The following HELZ variants were observed in gnomAD, a reference collection of about 807,000 sequenced individuals.
HELZ encodes helicase with zinc finger.
In HELZ, 23 loss-of-function variants were observed where a neutral mutation model predicts 218.2. The observed-to-expected ratio is 0.11, with a 90% CI of 0.08 to 0.15. HELZ has a LOEUF of 0.15. Ranked by LOEUF, HELZ falls within the 10% of genes least tolerant of loss-of-function variation. The probability of loss-of-function intolerance (pLI) is 1.00; values close to 1 mark genes in which losing one functional copy is unlikely to be tolerated. For synonymous variants in HELZ, 814 were observed against 829.4 expected (o/e 0.98, Z 0.32); for missense variants, 1,813 against 2,353.7 (o/e 0.77, Z 4.75).
chr17:67,143,542 G>C (rs1351018337), intron 21 of HELZ, among the ~76,000 whole-genome samples: 1 of 151,962 alleles, frequency 6.6e-6, no homozygotes. Flanking sequence ...CCTGACCCCA[G>C]GAGGTCAAGG....
intron 5 of HELZ, among the ~76,000 whole-genome samples, chr17:67,212,627 C>A (rs746407869): frequency 1.3e-5 from 2 of 152,066 alleles, no homozygotes; most frequent in Non-Finnish European, 2.9e-5. Flanking sequence ...TTCAAATAAA[C>A]AACTCTGGAT....
At chr17:67,245,237 C>CACGGCCCCCGACTCCCG, upstream of HELZ, 1 of 984,412 alleles carries the variant, frequency 1.0e-6, no homozygotes, top group Non-Finnish European at 1.2e-6. Flanking sequence ...AGTGACTCCC[C>CACGGCCCCCGACTCCCG]CCGGCCCCCG....
upstream of HELZ, chr17:67,245,640 C>T: frequency 8.1e-6 from 4 of 492,816 alleles, no homozygotes; most frequent in Non-Finnish European, 1.1e-5. Context: ...GCCGGGGTCG[C>T]CTTCAGAGGC....
chr17:67,236,829 A>G (rs2041197396), intron 3 of HELZ, among the ~76,000 whole-genome samples: 1 of 152,216 alleles, frequency 6.6e-6, no homozygotes, highest in Non-Finnish European at 1.5e-5. Flanking sequence ...AAGGGGTTCC[A>G]GGACACAAGC....
chr17:67,092,102 T>C (rs1454737682), intron 31 of HELZ, among the ~76,000 whole-genome samples: 1 of 152,238 alleles, frequency 6.6e-6, no homozygotes, highest in Non-Finnish European at 1.5e-5. Flanking sequence ...TGGGTTCATG[T>C]GATGTAATCT....
intron 31 of HELZ, among the ~76,000 whole-genome samples, chr17:67,089,682 G>GAC (rs2036511277): frequency 2.4e-5 from 3 of 122,914 alleles, no homozygotes; most frequent in African/African-American, 3.3e-5. Flanking sequence ...GAGAGAGAGA[G>GAC]AGAGAGAGAG....
In HELZ at chr17:67,145,828, T is replaced by C. The variant is rs2038476254; in HGVS notation, c.2684A>G (p.Lys895Arg). 6.2e-7 allele frequency: 1 copy of C among 1,613,824 alleles called. No homozygotes were observed. The highest frequency in any genetic ancestry group is 8.5e-7 in the Non-Finnish European group (1 of 1,179,784). ...AAAGAAAGTTAGTGGGTAGAAATCT[T>C]TGTGTGCTGGCTGCTTCCCACTGGC... is the stretch of plus-strand genomic sequence containing the variant. Reference protein sequence around the residue: ...LMASGKQPAHKDFYPLTFFTA... With the variant: ...LMASGKQPAHRDFYPLTFFTA... Residue 895 changes from lysine to arginine, a missense_variant, in exon 21 of 33, where the codon AAA (lysine) becomes AGA (arginine). Physicochemically the swap from Lys to Arg is conservative, Grantham distance 26 (BLOSUM62 2). Around this residue, in one of 4 missense-constraint regions of HELZ, gnomAD observed 156 missense variants for 274.4 expected, o/e 0.57. Transcript: ENST00000358691.
At chr17:67,113,579 T>C (rs1365484501) in intron 28 of HELZ, among the ~76,000 whole-genome samples, 1 of 152,168 alleles carries the variant, frequency 6.6e-6, no homozygotes, top group Non-Finnish European at 1.5e-5. Flanking sequence ...TAACGGGAAC[T>C]CTTCCTCTGA....
rs2035955512 is a variant in HELZ at position 67,073,985 on chromosome 17, T to C, written c.*4267A>G. 1.3e-5 allele frequency: 2 copies of C among 152,166 alleles called. No individual in the cohort carries two copies. Among genetic ancestry groups the C allele is most frequent in the Admixed American group, 6.5e-5 (1 of 15,274 alleles). 9.4% of individuals were successfully genotyped at this position (152,166 alleles called of 1,614,324 possible). A position where few individuals can be genotyped will look rare whatever the true frequency, so the allele number is the denominator to read the frequency against. ...ATGGAGATGGTGTCTTTGTAAGTGA[T>C]TGGCACCACTACGTGATATTTTGAA... On this transcript the variant is annotated 3_prime_UTR_variant, in exon 33 of 33. Coordinates refer to ENST00000358691, the MANE Select transcript of HELZ (RefSeq NM_014877.4).
At position 67,108,266 on chromosome 17, in the gene HELZ, T is replaced by C. The variant is rs1377459814; in HGVS notation, c.4724+226A>G. Among the ~76,000 whole-genome samples the C allele has an allele frequency of 6.6e-6, 1 of 152,228 alleles. No individual in the cohort carries two copies. The highest frequency in any genetic ancestry group is 1.5e-5 in the Non-Finnish European group (1 of 68,032). ...CACAAAGTAAGGGAACAAGTTAATT[T>C]CCAACCCATAGTAGATCATCCATGC... On this transcript the variant is annotated intron_variant, in intron 30 of 32. Coordinates refer to ENST00000358691, the MANE Select transcript of HELZ (RefSeq NM_014877.4). This position sits in a 1 kb window ranked among gnomAD's most constrained non-coding sequence, Gnocchi z 4.1.
In HELZ at chr17:67,177,647, A is replaced by T. The variant is rs75609347; in HGVS notation, c.1430+1012T>A. ...TTAACAGCCTACAGACACAATTGAT[A>T]AAAAAAAAAAGCCTTTTAAGACACC... is the stretch of plus-strand genomic sequence containing the variant. On this transcript the variant is annotated intron_variant, in intron 13 of 32. Coordinates refer to ENST00000358691, the MANE Select transcript of HELZ (RefSeq NM_014877.4). Among the ~76,000 whole-genome samples the T allele has an allele frequency of 1.7e-3, 150 of 89,984 alleles. 3 individuals carry two copies. In the South Asian group the frequency reaches 0.031, roughly 19 times the overall value. 59.0% of individuals were successfully genotyped at this position (89,984 alleles called of 152,430 possible). A position where few individuals can be genotyped will look rare whatever the true frequency, so the allele number is the denominator to read the frequency against.
chr17:67,079,795 G>A (rs1468111161), intron 32 of HELZ, among the ~76,000 whole-genome samples: 2 of 152,114 alleles, frequency 1.3e-5, no homozygotes, highest in African/African-American at 4.8e-5. Context: ...CTTGATAGCT[G>A]GTGTGTATGA....
At chr17:67,084,385 G>A (rs1414852569) in intron 32 of HELZ, among the ~76,000 whole-genome samples, 4 of 152,156 alleles carry the variant, frequency 2.6e-5, no homozygotes, top group African/African-American at 4.8e-5. Flanking sequence ...GAAAGAGGCC[G>A]GGCGCGGTGG....
At chr17:67,168,376 A>G (rs1039543990) in intron 13 of HELZ, among the ~76,000 whole-genome samples, 1 of 152,206 alleles carries the variant, frequency 6.6e-6, no homozygotes, top group East Asian at 1.9e-4. Flanking sequence ...AAAACACCTG[A>G]GTATTTAAAA....
intron 1 of HELZ, chr17:67,244,631 G>C: frequency 4.2e-6 from 4 of 945,270 alleles, no homozygotes; most frequent in Non-Finnish European, 5.0e-6. Context: ...CCCTCCGCGG[G>C]GGAGGGAGGG....
intron 13 of HELZ, among the ~76,000 whole-genome samples, chr17:67,174,387 A>ACTG (rs1287217896): frequency 9.2e-5 from 14 of 152,154 alleles, no homozygotes; most frequent in Non-Finnish European, 1.3e-4. Context: ...ATCACAGCTC[A>ACTG]CTGCAGCCTC....
intron 3 of HELZ, among the ~76,000 whole-genome samples, chr17:67,220,426 G>C (rs1013032848): frequency 6.6e-6 from 1 of 152,146 alleles, no homozygotes; most frequent in African/African-American, 2.4e-5. Context: ...CAATATTGGG[G>C]ATTTACACAT....
chr17:67,155,883 T>C (rs796539107), intron 17 of HELZ, among the ~76,000 whole-genome samples: 8 of 150,708 alleles, frequency 5.3e-5, no homozygotes, highest in Admixed American at 4.0e-4. Flanking sequence ...TCAACAAATA[T>C]CCAAAACCAA....
chr17:67,119,981 T>A (rs1345054649), intron 27 of HELZ: 1 of 391,118 alleles, frequency 2.6e-6, no homozygotes, highest in African/African-American at 2.2e-5. Context: ...TATGTTAGAT[T>A]CTCTCCCTTT....
Sources: allele counts gnomAD v4.1 joint callset (sites outside exome capture counted in the v4.1 genomes callset), GRCh38; gene constraint gnomAD v4.1.1; regional missense constraint gnomAD v4.1.1; non-coding constraint Gnocchi (gnomAD v3.1); transcripts MANE v1.5; gene names NCBI Gene and HGNC (gene_info 2026-07-23, HGNC 2026-07-21).